Variants in NAV2 observed in about 807,000 individuals in gnomAD.
NAV2 encodes helicase, APC down-regulated 1.
A neutral mutation model predicts 223.2 loss-of-function variants in NAV2; 54 were observed. The observed-to-expected ratio is 0.24, with a 90% confidence interval of 0.19 to 0.30. The LOEUF (loss-of-function observed/expected upper bound fraction) is 0.30, where lower values mean the gene tolerates loss of function less well. NAV2 is among the 10% of genes least tolerant of loss of function. The pLI is 1.00. For missense variants in NAV2, 2,806 were observed against 3,147.5 expected (o/e 0.89, Z 2.60); for synonymous variants, 1,279 against 1,239.3 (o/e 1.03, Z -0.67).
At chr11:19,871,372 C>T (rs927864790) in intron 4 of NAV2, among the ~76,000 whole-genome samples, 6 of 152,164 alleles carry the variant, frequency 3.9e-5, no homozygotes, top group African/African-American at 1.4e-4. Flanking sequence ...GAGATGGGGG[C>T]ATGCCGGCGT....
At chr11:19,684,680 G>T (rs1351497196) in intron 1 of NAV2, among the ~76,000 whole-genome samples, 2 of 152,146 alleles carry the variant, frequency 1.3e-5, no homozygotes, top group Admixed American at 6.5e-5. Flanking sequence ...CAAGCCCAGT[G>T]CCAACCCCAC....
At chr11:20,001,667 G>A (rs1434954185) in intron 11 of NAV2, among the ~76,000 whole-genome samples, 5 of 141,030 alleles carry the variant, frequency 3.5e-5, no homozygotes, top group South Asian at 2.4e-4. Flanking sequence ...AGAACACTCG[G>A]ACACAGGAAG....
intron 1 of NAV2, among the ~76,000 whole-genome samples, chr11:19,819,395 G>A (rs555361631): frequency 1.8e-4 from 27 of 152,304 alleles, no homozygotes; most frequent in African/African-American, 4.3e-4. Context: ...AGAGGGCAGC[G>A]TGTGAAAAGG....
chr11:19,698,154 T>C (rs770719069), intron 1 of NAV2, among the ~76,000 whole-genome samples: 3 of 152,210 alleles, frequency 2.0e-5, no homozygotes, highest in Non-Finnish European at 4.4e-5. Flanking sequence ...GTTACACACA[T>C]GAGCCAGGGT....
chr11:19,971,812 C>T (rs1026430603), intron 10 of NAV2, among the ~76,000 whole-genome samples: 1 of 152,236 alleles, frequency 6.6e-6, no homozygotes, highest in Non-Finnish European at 1.5e-5. Flanking sequence ...AAGCAATTCT[C>T]CTGCCTCAGC....
At chr11:19,894,375 G>A (rs2041777178) in intron 6 of NAV2, among the ~76,000 whole-genome samples, 1 of 152,160 alleles carries the variant, frequency 6.6e-6, no homozygotes, top group Admixed American at 6.6e-5. Flanking sequence ...GCCTGCGCTG[G>A]GCCTCTCCTC....
At chr11:19,696,635 T>G (rs1019534183) in intron 1 of NAV2, among the ~76,000 whole-genome samples, 1 of 152,244 alleles carries the variant, frequency 6.6e-6, no homozygotes, top group Non-Finnish European at 1.5e-5. Context: ...TTGATGATAG[T>G]GGCTGGCTGT....
intron 11 of NAV2, among the ~76,000 whole-genome samples, chr11:20,024,604 A>G (rs1401323299): frequency 6.6e-6 from 1 of 152,246 alleles, no homozygotes; most frequent in Non-Finnish European, 1.5e-5. Flanking sequence ...GGCTGTAGAA[A>G]TCTTGACCTG....
In NAV2 at chr11:19,588,744, G is replaced by A. The variant is rs568928655; in HGVS notation, c.75+237717G>A. Among the ~76,000 whole-genome samples the A allele has an allele frequency of 1.2e-4, 19 of 152,270 alleles. No homozygotes were observed. In the South Asian group the frequency reaches 4.0e-3, roughly 32 times the overall value. On this transcript the variant is annotated intron_variant, in intron 1 of 37. Coordinates refer to the NAV2 transcript ENST00000360655. ...AGAATTTAAGAGAGCTAACTGCTAGGAACAAGCCAACAATGGTAGCTATCT... is the reference window on the plus strand; with the variant it reads ...AGAATTTAAGAGAGCTAACTGCTAGAAACAAGCCAACAATGGTAGCTATCT...
intron 11 of NAV2, among the ~76,000 whole-genome samples, chr11:20,004,492 G>T (rs368918633): frequency 6.6e-6 from 1 of 152,318 alleles, no homozygotes; most frequent in African/African-American, 2.4e-5. Context: ...GGCCAGAGAA[G>T]CCTGGCTTCT....
At chr11:19,655,617 C>T (rs1432123299) in intron 1 of NAV2, among the ~76,000 whole-genome samples, 1 of 151,906 alleles carries the variant, frequency 6.6e-6, no homozygotes, top group Non-Finnish European at 1.5e-5. Context: ...TTGAAACCAT[C>T]ATTCTTAGCA....
At chr11:19,789,426 A>T (rs898646153) in intron 1 of NAV2, among the ~76,000 whole-genome samples, 1 of 152,214 alleles carries the variant, frequency 6.6e-6, no homozygotes, top group African/African-American at 2.4e-5. Context: ...TTCCACTCCC[A>T]GTCTAAGAGA....
intron 3 of NAV2, among the ~76,000 whole-genome samples, chr11:19,859,466 C>T (rs2061567153): frequency 6.8e-6 from 1 of 148,074 alleles, no homozygotes; most frequent in East Asian, 2.0e-4. Context: ...GGTAAGGTCA[C>T]AGATCAACAG....
intron 1 of NAV2, among the ~76,000 whole-genome samples, chr11:19,694,223 G>A (rs933997351): frequency 1.2e-4 from 18 of 152,280 alleles, no homozygotes; most frequent in African/African-American, 2.9e-4. Flanking sequence ...GAGGTTTCAG[G>A]CAGAGTCCCA....
At chr11:19,801,250 A>T (rs2058235963) in intron 1 of NAV2, among the ~76,000 whole-genome samples, 1 of 152,152 alleles carries the variant, frequency 6.6e-6, no homozygotes, top group African/African-American at 2.4e-5. Context: ...GGGAATGGAA[A>T]ATGGTAGTCA....
intron 1 of NAV2, among the ~76,000 whole-genome samples, chr11:19,449,936 G>A (rs1428302817): frequency 2.7e-5 from 4 of 150,812 alleles, no homozygotes; most frequent in East Asian, 2.0e-4. Context: ...GACATCCATA[G>A]CAAAGGGCAG....
intron 1 of NAV2, among the ~76,000 whole-genome samples, chr11:19,589,304 G>GATTGTAA (rs1342120511): frequency 6.6e-6 from 1 of 152,192 alleles, no homozygotes; most frequent in African/African-American, 2.4e-5. Flanking sequence ...GCAGATTGTA[G>GATTGTAA]GAGCTATCCT....
rs1344972809 is a variant in NAV2 at position 19,627,898 on chromosome 11, A to G, written c.76-204586A>G. On this transcript the variant is annotated intron_variant, in intron 1 of 37. Coordinates refer to the NAV2 transcript ENST00000360655. ...GGACAAGTTCCTCAACCTGAGCCTT[A>G]GTTTCCTTGTTTTCAAAAAAAAAAA... Among the ~76,000 whole-genome samples, 3 of 121,818 alleles carry G rather than the reference A, an allele frequency of 2.5e-5. No individual in the cohort carries two copies. In the East Asian group the frequency reaches 7.6e-4, roughly 31 times the overall value. The allele number at this position is 121,818 out of a possible 152,430, so 79.9% of individuals were successfully genotyped here.
rs550562934 is a variant in NAV2 at position 19,681,204 on chromosome 11, G to A, written c.76-151280G>A. Among the ~76,000 whole-genome samples, 8 of 152,326 alleles carry A rather than the reference G, an allele frequency of 5.3e-5. No homozygotes were observed. The South Asian group carries it at 1.7e-3, about 32-fold the overall frequency. On this transcript the variant is annotated intron_variant, in intron 1 of 37. Coordinates refer to the NAV2 transcript ENST00000360655. Reference sequence around the variant, plus strand: ...TGCCTGGCAGTGAGATTCTCTCAGGGACGTCCCCTGACCTGGCAGTCCTTC... The same window carrying A: ...TGCCTGGCAGTGAGATTCTCTCAGGAACGTCCCCTGACCTGGCAGTCCTTC...
Sources: allele counts gnomAD v4.1 joint callset (sites outside exome capture counted in the v4.1 genomes callset), GRCh38; gene constraint gnomAD v4.1.1; transcripts MANE v1.5; gene names NCBI Gene and HGNC (gene_info 2026-07-23, HGNC 2026-07-21).